PHTF1: variants seen among roughly 807,000 people sequenced by gnomAD.
PHTF1 encodes the protein putative homeodomain transcription factor 1.
In PHTF1, 88 loss-of-function variants were observed where a neutral mutation model predicts 102.4. The ratio of observed to expected loss-of-function variants is 0.86; its 90% CI spans 0.72 to 1.03. The LOEUF (loss-of-function observed/expected upper bound fraction) is 1.03. PHTF1 is among the 50% of genes least tolerant of loss of function. The probability of loss-of-function intolerance (pLI) is 0.00; values close to 1 mark genes in which losing one functional copy is unlikely to be tolerated. For synonymous variants in PHTF1, 289 were observed against 305.2 expected, an observed-to-expected ratio of 0.95 and a Z score of 0.55; for missense variants, 814 against 909.5, an observed-to-expected ratio of 0.89 and a Z score of 1.35.
At chr1:113,727,044 A>G (rs78552134) in intron 5 of PHTF1, among the ~76,000 whole-genome samples, 15,089 of 147,382 alleles carry the variant, frequency 0.1, 968 homozygotes, top group East Asian at 0.23. Context: ...ATATATGTGT[A>G]TATATATATA....
At chr1:113,701,826 T>TAAAAAAAAAAGAAAAAAAAAA (rs1649471785) in intron 15 of PHTF1, among the ~76,000 whole-genome samples, 1 of 27,986 alleles carries the variant, frequency 3.6e-5, no homozygotes, top group African/African-American at 1.5e-4. Flanking sequence ...CAATTCCTGG[T>TAAAAAAAAAAGAAAAAAAAAA]AAAAAAAAAA....
intron 3 of PHTF1, among the ~76,000 whole-genome samples, chr1:113,745,358 G>A (rs920106509): frequency 6.6e-6 from 1 of 152,142 alleles, no homozygotes; most frequent in African/African-American, 2.4e-5. Flanking sequence ...AGAACAGATG[G>A]AGGGTAAAGA....
At chr1:113,726,615 T>G in intron 5 of PHTF1, 41 bp from the exon 6 acceptor site, 4 of 1,193,110 alleles carry the variant, frequency 3.4e-6, no homozygotes, top group Non-Finnish European at 4.7e-6. Context: ...ATTAGAGCTC[T>G]TCTTTAAAAT....
intron 11 of PHTF1, among the ~76,000 whole-genome samples, chr1:113,709,177 C>T (rs1044253985): frequency 6.6e-6 from 1 of 151,726 alleles, no homozygotes; most frequent in African/African-American, 2.4e-5. Flanking sequence ...TTAAGGCTGC[C>T]GTGAGTCATG....
chr1:113,737,250 CAAA>C lies in PHTF1; in HGVS notation c.331+857_331+859del, dbSNP rs1029920218. ...ATAGTATCATTTAATGAACTGGAGACAAAAAGAAGAACAAGTTTACACACACAG... is the reference window on the plus strand; with the variant it reads ...ATAGTATCATTTAATGAACTGGAGACAAGAAGAACAAGTTTACACACACAG... On this transcript the variant is annotated intron_variant, in intron 5 of 18. Coordinates refer to ENST00000369604, the MANE Select transcript of PHTF1 (RefSeq NM_001323043.2). 3.1e-4 allele frequency among the ~76,000 whole-genome samples: 47 copies of C among 152,232 alleles called. 2 individuals are homozygous for C. Among genetic ancestry groups the C allele is most frequent in the African/African-American group, 1.0e-3 (43 of 41,532 alleles).
intron 4 of PHTF1, 32 bp from the exon 5 acceptor site, chr1:113,738,300 C>A: frequency 1.9e-6 from 3 of 1,577,410 alleles, no homozygotes; most frequent in Non-Finnish European, 1.7e-6. Context: ...AAACATCAAA[C>A]ATTTATATAC....
Position 113,748,737 on chromosome 1 carries a change from T to C in PHTF1, c.102+8962A>G, listed in dbSNP as rs766163894. Among the ~76,000 whole-genome samples the C allele has an allele frequency of 2.6e-5, 4 of 152,206 alleles. No individual in the cohort carries two copies. The South Asian group carries it at 6.2e-4, about 24-fold the overall frequency. On this transcript the variant is annotated intron_variant, in intron 3 of 18. Coordinates refer to ENST00000369604, the MANE Select transcript of PHTF1 (RefSeq NM_001323043.2). ...TTTTTGTAAAGACAGGGTATCACCA[T>C]GTTGCCCAAGCTAATCTTGAACTCC...
intron 3 of PHTF1, among the ~76,000 whole-genome samples, chr1:113,749,839 G>A (rs1032749726): frequency 2.0e-5 from 3 of 152,032 alleles, no homozygotes; most frequent in Non-Finnish European, 2.9e-5. Flanking sequence ...TCCAACCTTC[G>A]AAATTGTATT....
chr1:113,713,575 T>C (rs1400080969), intron 7 of PHTF1, 137 bp from the exon 8 acceptor site: 2 of 609,370 alleles, frequency 3.3e-6, no homozygotes, highest in Non-Finnish European at 5.7e-6. Context: ...GGACTTTAGC[T>C]TGCTAAGTAA....
At chr1:113,706,835 G>T in intron 11 of PHTF1, 113 bp from the exon 12 acceptor site, 16 of 554,226 alleles carry the variant, frequency 2.9e-5, no homozygotes, top group South Asian at 1.0e-4. Context: ...CTATAATGCT[G>T]GTCCTTTCTT....
At chr1:113,746,008 A>T (rs1657186316) in intron 3 of PHTF1, among the ~76,000 whole-genome samples, 1 of 152,186 alleles carries the variant, frequency 6.6e-6, no homozygotes, top group Non-Finnish European at 1.5e-5. Flanking sequence ...AAGGTTGGGG[A>T]CTGCTGGACT....
chr1:113,743,817 T>C (rs976806040), intron 3 of PHTF1, among the ~76,000 whole-genome samples: 1 of 152,222 alleles, frequency 6.6e-6, no homozygotes, highest in South Asian at 2.1e-4. Context: ...TTAAGTTAAC[T>C]TGACTCATTT....
chr1:113,727,668 T>C (rs994337266), intron 5 of PHTF1, among the ~76,000 whole-genome samples: 3 of 152,182 alleles, frequency 2.0e-5, no homozygotes, highest in Admixed American at 2.0e-4. Flanking sequence ...AGTTATGTAA[T>C]AAAGAATTTG....
chr1:113,738,068 C>CA, intron 5 of PHTF1, 42 bp downstream of exon 5: 1 of 1,419,534 alleles, frequency 7.0e-7, no homozygotes, highest in Non-Finnish European at 9.8e-7. Context: ...GCAAAAGCAG[C>CA]AAAAAGAAAC....
chr1:113,716,650 G>A (rs895960177), intron 7 of PHTF1, among the ~76,000 whole-genome samples: 3 of 151,670 alleles, frequency 2.0e-5, no homozygotes, highest in East Asian at 1.9e-4. Flanking sequence ...ATGTCCAGCC[G>A]GTCTGACATA....
intron 3 of PHTF1, among the ~76,000 whole-genome samples, chr1:113,743,909 C>T (rs545499286): frequency 6.6e-5 from 10 of 152,282 alleles, no homozygotes; most frequent in African/African-American, 2.4e-4. Context: ...AGATTCCAAC[C>T]CTTTCATTCT....
At chr1:113,739,698 A>G (rs1359994033) in intron 3 of PHTF1, among the ~76,000 whole-genome samples, 1 of 152,154 alleles carries the variant, frequency 6.6e-6, no homozygotes, top group Non-Finnish European at 1.5e-5. Context: ...GTACTTTTGT[A>G]TTTGTTAACC....
At chr1:113,708,536 G>A (rs1442113402) in intron 11 of PHTF1, among the ~76,000 whole-genome samples, 3 of 152,148 alleles carry the variant, frequency 2.0e-5, no homozygotes, top group Non-Finnish European at 4.4e-5. Flanking sequence ...AGGAGGCTGA[G>A]GCAGGAGAAT....
At chr1:113,746,454 A>G (rs1657257226) in intron 3 of PHTF1, among the ~76,000 whole-genome samples, 2 of 152,220 alleles carry the variant, frequency 1.3e-5, no homozygotes, top group Non-Finnish European at 2.9e-5. Flanking sequence ...TTCTTCTCTT[A>G]TAGGAAGGCA....
Sources: gnomAD v4.1 joint callset for allele counts (sites outside exome capture counted in the v4.1 genomes callset) on GRCh38, gnomAD v4.1.1 for gene constraint, MANE v1.5 for transcripts, NCBI Gene and HGNC (gene_info 2026-07-23, HGNC 2026-07-21) for gene names.